Variants in GTF3A observed in about 807,000 individuals in gnomAD.
The protein encoded by GTF3A is transcription factor IIIA.
Under a neutral mutation model 37.6 loss-of-function variants are expected in GTF3A, and 40 were observed. The observed-to-expected ratio is 1.06, with a 90% CI of 0.83 to 1.38. The LOEUF is 1.38. Ranked by LOEUF, GTF3A falls within the 40% of genes most tolerant of loss-of-function variation. GTF3A has a pLI of 0.00. For synonymous variants in GTF3A, 191 were observed against 166.7 expected (o/e 1.15, Z -1.12); for missense variants, 500 against 462.6 (o/e 1.08, Z -0.74).
Position 27,424,800 on chromosome 13 carries a change from T to C in GTF3A, c.63T>C (p.Ile21=), listed in dbSNP as rs1953589007. ...CCTTGACCATCGCCGACGCGTTCAT[T>C]GCAGCCGGCGAGAGCTCAGCTCCGA... The change falls in exon 1 of 9, where the codon ATT becomes ATC. Residue 21 remains isoleucine, a synonymous_variant. Coordinates refer to ENST00000381140, the MANE Select transcript of GTF3A (RefSeq NM_002097.3). 1.9e-6 allele frequency: 3 copies of C among 1,545,178 alleles called. No homozygotes were observed. The highest frequency in any genetic ancestry group is 1.7e-4 in the Middle Eastern group (1 of 5,984).
intron 6 of GTF3A, among the ~76,000 whole-genome samples, 171 bp downstream of exon 6, chr13:27,434,390 G>A (rs1471471830): frequency 6.6e-6 from 1 of 152,208 alleles, no homozygotes; most frequent in African/African-American, 2.4e-5. Flanking sequence ...GCTGTGCCAG[G>A]TCTCTGAGCC....
intron 8 of GTF3A, 96 bp from the exon 9 acceptor site, chr13:27,435,337 T>C: frequency 7.4e-7 from 1 of 1,345,582 alleles, no homozygotes; most frequent in Non-Finnish European, 1.0e-6. Flanking sequence ...AAAGCAATGT[T>C]GTACACTATA....
At chr13:27,432,969 T>C (rs1254913566) in intron 5 of GTF3A, among the ~76,000 whole-genome samples, 165 bp downstream of exon 5, 2 of 152,230 alleles carry the variant, frequency 1.3e-5, no homozygotes, top group African/African-American at 4.8e-5. Context: ...TGTATATGTC[T>C]GTTTTTCCAC....
chr13:27,435,088 GT>G (rs1303601256), intron 7 of GTF3A, 44 bp from the exon 8 acceptor site: 2 of 1,565,712 alleles, frequency 1.3e-6, no homozygotes. Flanking sequence ...TCACAACATG[GT>G]TTTCATATTA....
At position 27,424,758 on chromosome 13, in the gene GTF3A, C is replaced by A. The variant is rs925165944; in HGVS notation, c.21C>A (p.Val7=). The A allele has an allele frequency of 1.3e-6, 2 of 1,485,644 alleles. No homozygotes were observed. Among genetic ancestry groups the A allele is most frequent in the Non-Finnish European group, 1.8e-6 (2 of 1,117,220 alleles). The allele number at this position is 1,485,644 out of a possible 1,614,324, so 92.0% of individuals were successfully genotyped here. A position where few individuals can be genotyped will look rare whatever the true frequency, so the allele number is the denominator to read the frequency against. The change falls in exon 1 of 9, where the codon GTC becomes GTA. Residue 7 remains valine, a synonymous_variant. Transcript: ENST00000381140. Reference sequence around the variant, plus strand: ...GCGCCCTGGATCCGCCGGCCGTGGTCGCCGAGTCGGTGTCGTCCTTGACCA... The same window carrying A: ...GCGCCCTGGATCCGCCGGCCGTGGTAGCCGAGTCGGTGTCGTCCTTGACCA...
chr13:27,424,814 G>C lies in GTF3A; in HGVS notation c.77G>C (p.Ser26Thr). The stretch of plus-strand genomic sequence containing the variant: ...GACGCGTTCATTGCAGCCGGCGAGA[G>C]CTCAGCTCCGACCCCGCCGCGCCCC... The change falls in exon 1 of 9, where the codon AGC becomes ACC. Residue 26 changes from serine to threonine, a missense_variant. Physicochemically the swap from Ser to Thr is moderately conservative, Grantham distance 58 (BLOSUM62 1). Coordinates refer to ENST00000381140, the MANE Select transcript of GTF3A (RefSeq NM_002097.3). The C allele has an allele frequency of 6.5e-7, 1 of 1,549,798 alleles. No individual in the cohort carries two copies. The highest frequency in any genetic ancestry group is 8.7e-7 in the Non-Finnish European group (1 of 1,146,578).
intron 2 of GTF3A, among the ~76,000 whole-genome samples, chr13:27,427,583 G>C (rs1330780738): frequency 6.6e-6 from 1 of 152,096 alleles, no homozygotes; most frequent in African/African-American, 2.4e-5. Flanking sequence ...GCAAAGCCAT[G>C]AGAAAATCAC....
At position 27,434,213 on chromosome 13, in the gene GTF3A, C is replaced by T; in HGVS notation, c.637C>T (p.His213Tyr). 1 of 1,236,658 alleles carries T rather than the reference C, an allele frequency of 8.1e-7. No homozygotes were observed. Among genetic ancestry groups the T allele is most frequent in the South Asian group, 1.2e-5 (1 of 83,568 alleles). The allele number at this position is 1,236,658 out of a possible 1,614,324, so 76.6% of individuals were successfully genotyped here. A position where few individuals can be genotyped will look rare whatever the true frequency, so the allele number is the denominator to read the frequency against. Residue 213 changes from histidine to tyrosine, a missense_variant, in exon 6 of 9, where the codon CAT becomes TAT. By Grantham distance (83) the His-to-Tyr change is moderately conservative. Coordinates refer to ENST00000381140, the MANE Select transcript of GTF3A (RefSeq NM_002097.3). The stretch of plus-strand genomic sequence containing the variant: ...ACTTCTGAAACATGTGAGAGAAACC[C>T]ATAAAGGTAAGGCAGGCATGAATGG...
chr13:27,430,509 T>G (rs1953647156), intron 3 of GTF3A, 24 bp from the exon 4 acceptor site: 2 of 1,421,182 alleles, frequency 1.4e-6, no homozygotes, highest in Admixed American at 3.5e-5. Context: ...TCCATAAGAC[T>G]AACGAGCCTT....
rs1279335232 is a variant in GTF3A at position 27,424,891 on chromosome 13, A to G, written c.154A>G (p.Ser52Gly). Residue 52 changes from serine to glycine, a missense_variant, in exon 1 of 9, where the codon AGC becomes GGC. Coordinates refer to ENST00000381140, the MANE Select transcript of GTF3A (RefSeq NM_002097.3). ...CTTCCCTGACTGCAGCGCCAATTAC[A>G]GCAAAGCCTGGAAGCTTGACGCGCA... 2 of 1,549,928 alleles carry G rather than the reference A, an allele frequency of 1.3e-6. No homozygotes were observed. The highest frequency in any genetic ancestry group is 2.4e-5 in the South Asian group (2 of 83,744).
intron 6 of GTF3A, 25 bp from the exon 7 acceptor site, chr13:27,434,780 G>A: frequency 7.0e-7 from 1 of 1,432,274 alleles, no homozygotes; most frequent in South Asian, 1.2e-5. Context: ...GGAAATTTGT[G>A]AAATTTGTCT....
rs1278787135 is a variant in GTF3A at position 27,424,871 on chromosome 13, C to G, written c.134C>G (p.Pro45Arg). The change falls in exon 1 of 9, where the codon CCT becomes CGT. Residue 45 changes from proline (P) to arginine (R), a missense_variant. Coordinates refer to ENST00000381140, the MANE Select transcript of GTF3A (RefSeq NM_002097.3). ...CCCAGGAGGTTCATCTGCTCCTTCC[C>G]TGACTGCAGCGCCAATTACAGCAAA... 47 of 1,550,080 alleles carry G rather than the reference C, an allele frequency of 3.0e-5. No homozygotes were observed. The highest frequency in any genetic ancestry group is 5.9e-5 in the Admixed American group (3 of 50,766).
chr13:27,424,699 G>A lies in GTF3A; in HGVS notation c.-39G>A. The A allele has an allele frequency of 7.4e-7, 1 of 1,347,230 alleles. No individual in the cohort carries two copies. The highest frequency in any genetic ancestry group is 9.6e-7 in the Non-Finnish European group (1 of 1,046,870). 83.5% of individuals were successfully genotyped at this position (1,347,230 alleles called of 1,614,324 possible). On this transcript the variant is annotated 5_prime_UTR_variant, in exon 1 of 9. Coordinates refer to ENST00000381140, the MANE Select transcript of GTF3A (RefSeq NM_002097.3). Reference sequence around the variant, plus strand: ...GTTCCCGGCACGTGTCTCGGCACGTGGCAGCGCGCCTGGCCCTGGGCTTGG... The same window carrying A: ...GTTCCCGGCACGTGTCTCGGCACGTAGCAGCGCGCCTGGCCCTGGGCTTGG...
At chr13:27,430,660 G>A (rs1471826627) in intron 4 of GTF3A, 39 bp downstream of exon 4, 1 of 1,277,360 alleles carries the variant, frequency 7.8e-7, no homozygotes, top group East Asian at 2.3e-5. Context: ...TGGATTCTAG[G>A]TGTGAATAAG....
At chr13:27,425,498 A>C (rs1953598098) in intron 1 of GTF3A, 2 of 152,632 alleles carry the variant, frequency 1.3e-5, no homozygotes, top group African/African-American at 4.8e-5. Context: ...GGAAGGATCT[A>C]GCCATGCAGA....
chr13:27,428,831 C>T (rs1311256252), intron 2 of GTF3A, among the ~76,000 whole-genome samples: 4 of 152,210 alleles, frequency 2.6e-5, no homozygotes, highest in Non-Finnish European at 5.9e-5. Context: ...CCATCCTCAT[C>T]TTGGGCTTTA....
At chr13:27,427,314 A>G in intron 2 of GTF3A, 122 bp downstream of exon 2, 1 of 652,250 alleles carries the variant, frequency 1.5e-6, no homozygotes, top group South Asian at 1.7e-5. Flanking sequence ...TCGGTGGCTC[A>G]TGCCTGTAAT....
At chr13:27,428,489 A>G (rs1472612367) in intron 2 of GTF3A, among the ~76,000 whole-genome samples, 4 of 152,162 alleles carry the variant, frequency 2.6e-5, no homozygotes, top group Admixed American at 6.5e-5. Flanking sequence ...GTGTCCTACA[A>G]TGACCTGCGT....
chr13:27,428,687 G>T (rs1566075858), intron 2 of GTF3A, among the ~76,000 whole-genome samples: 1 of 152,192 alleles, frequency 6.6e-6, no homozygotes, highest in Non-Finnish European at 1.5e-5. Flanking sequence ...AGATGCCTGT[G>T]TCAGGTTTAG....
Sources: gnomAD v4.1 joint callset for allele counts (sites outside exome capture counted in the v4.1 genomes callset) on GRCh38, gnomAD v4.1.1 for gene constraint, MANE v1.5 for transcripts, NCBI Gene and HGNC (gene_info 2026-07-23, HGNC 2026-07-21) for gene names.